VIT: variants seen among roughly 807,000 people sequenced by gnomAD.
VIT encodes vitrin.
In VIT, 99 loss-of-function variants were observed where a neutral mutation model predicts 78.0. The observed-to-expected ratio is 1.27, with a 90% CI of 1.08 to 1.50. The LOEUF is 1.50. VIT is among the 40% of genes most tolerant of loss of function. VIT has a pLI of 0.00. For missense variants in VIT, 1,126 were observed against 875.3 expected (o/e 1.29, Z -3.61); for synonymous variants, 374 against 334.3 (o/e 1.12, Z -1.29).
At chr2:36,793,050 A>C (rs1323054161) in intron 12 of VIT, among the ~76,000 whole-genome samples, 2 of 152,202 alleles carry the variant, frequency 1.3e-5, no homozygotes, top group African/African-American at 4.8e-5. Context: ...ACATTTTAAC[A>C]AGATCCCCAG....
At chr2:36,724,035 T>TC (rs1418186163) in intron 2 of VIT, among the ~76,000 whole-genome samples, 22 of 151,540 alleles carry the variant, frequency 1.5e-4, no homozygotes, top group Non-Finnish European at 2.2e-4. Context: ...TTTTTTTTTT[T>TC]CCCACAGAAT....
chr2:36,787,289 A>C lies in VIT; in HGVS notation c.1058+13A>C. ...TTGTCCAGTATGGGTAAGTGCAGTT[A>C]ATGTTCTGAATCCAGAAAGGAAGTC... On this transcript the variant is annotated intron_variant, in intron 12 of 15. Transcript: ENST00000379242. 6.2e-7 allele frequency: 1 copy of C among 1,600,862 alleles called. No individual in the cohort carries two copies. The highest frequency in any genetic ancestry group is 8.5e-7 in the Non-Finnish European group (1 of 1,171,494).
At chr2:36,789,819 G>T (rs1259231323) in intron 12 of VIT, among the ~76,000 whole-genome samples, 2 of 152,116 alleles carry the variant, frequency 1.3e-5, no homozygotes, top group East Asian at 1.9e-4. Flanking sequence ...AGGAAATGAG[G>T]CCCTACAAAC....
intron 4 of VIT, among the ~76,000 whole-genome samples, chr2:36,752,766 G>A (rs967875902): frequency 2.0e-5 from 3 of 152,178 alleles, no homozygotes; most frequent in African/African-American, 7.2e-5. Context: ...CACAGAGTGT[G>A]AATTAGTTCA....
At position 36,808,675 on chromosome 2, in the gene VIT, G is replaced by C; in HGVS notation, c.1593G>C (p.Gln531His). Reference sequence around the variant, plus strand: ...CGGGCAACTTCCGCACCGTCCTCCAGTTTGTGACCAACCTCACCAAAGAGT... The same window carrying C: ...CGGGCAACTTCCGCACCGTCCTCCACTTTGTGACCAACCTCACCAAAGAGT... Reference protein sequence around the residue: ...VGTGNFRTVLQFVTNLTKEFE... With the variant: ...VGTGNFRTVLHFVTNLTKEFE... The change falls in exon 15 of 16, where the codon CAG becomes CAC. Residue 531 changes from glutamine (Q) to histidine (H), a missense_variant. Transcript: ENST00000379242. The C allele has an allele frequency of 1.9e-6, 3 of 1,614,254 alleles. No homozygotes were observed. The highest frequency in any genetic ancestry group is 2.5e-6 in the Non-Finnish European group (3 of 1,180,050).
chr2:36,743,393 T>A, intron 4 of VIT, 137 bp downstream of exon 4: 2 of 1,018,298 alleles, frequency 2.0e-6, no homozygotes, highest in Non-Finnish European at 2.7e-6. Context: ...AATCTTCATT[T>A]AAAAAGTGCT....
intron 15 of VIT, among the ~76,000 whole-genome samples, chr2:36,810,901 TG>T (rs1474512039): frequency 6.6e-6 from 1 of 152,218 alleles, no homozygotes; most frequent in Non-Finnish European, 1.5e-5. Context: ...CCCAAAGTGC[TG>T]GGATCACAGG....
chr2:36,722,366 C>T (rs1446797502), intron 2 of VIT, among the ~76,000 whole-genome samples: 2 of 152,204 alleles, frequency 1.3e-5, no homozygotes, highest in African/African-American at 4.8e-5. Flanking sequence ...GCTCTGGTTT[C>T]CTTTCTATAA....
chr2:36,726,324 A>C (rs1431971908), intron 2 of VIT, among the ~76,000 whole-genome samples: 1 of 152,260 alleles, frequency 6.6e-6, no homozygotes, highest in Non-Finnish European at 1.5e-5. Flanking sequence ...GATATAGATC[A>C]TTAAGTAGAA....
intron 1 of VIT, among the ~76,000 whole-genome samples, chr2:36,702,242 G>A (rs1665105201): frequency 6.6e-6 from 1 of 152,116 alleles, no homozygotes; most frequent in Non-Finnish European, 1.5e-5. Context: ...AGCTGAAGGA[G>A]CAGGAAAGGG....
intron 4 of VIT, among the ~76,000 whole-genome samples, chr2:36,747,390 G>C (rs963024925): frequency 2.6e-5 from 4 of 152,158 alleles, no homozygotes; most frequent in African/African-American, 9.7e-5. Flanking sequence ...ACTGTCAGTG[G>C]AGTGTTGAAG....
At chr2:36,710,678 T>G (rs1665747211) in intron 1 of VIT, among the ~76,000 whole-genome samples, 1 of 152,214 alleles carries the variant, frequency 6.6e-6, no homozygotes, top group South Asian at 2.1e-4. Context: ...TCTGTCTGAC[T>G]ACTTTCATTT....
rs962171633 is a variant in VIT at position 36,755,569 on chromosome 2, C to T, written c.409+515C>T. 8.5e-5 allele frequency among the ~76,000 whole-genome samples: 13 copies of T among 152,152 alleles called. 1 individual carries two copies. The highest frequency in any genetic ancestry group is 2.9e-4 in the African/African-American group (12 of 41,438). ...ATATCTGTCCATGGCAAAGATACCCCGTAATTAATAAGCATCTGTAGGGTA... is the reference window on the plus strand; with the variant it reads ...ATATCTGTCCATGGCAAAGATACCCTGTAATTAATAAGCATCTGTAGGGTA... On this transcript the variant is annotated intron_variant, in intron 5 of 15. Transcript: ENST00000379242.
At position 36,743,115 on chromosome 2, in the gene VIT, A is replaced by G; in HGVS notation, c.134A>G (p.Asn45Ser). The G allele has an allele frequency of 6.2e-7, 1 of 1,614,060 alleles. No individual in the cohort carries two copies. The highest frequency in any genetic ancestry group is 1.1e-5 in the South Asian group (1 of 91,074). ...KRPKFTVPQI[N>S]CDVKAGKIID... The stretch of plus-strand genomic sequence containing the variant: ...GTATTCCCAGCTGTGCCTCAGATCA[A>G]CTGCGATGTCAAAGCCGGAAAGATC... Residue 45 changes from asparagine to serine, a missense_variant, in exon 4 of 16, where the codon AAC becomes AGC. Physicochemically the swap from Asn to Ser is conservative, Grantham distance 46. Coordinates refer to ENST00000379242, the MANE Select transcript of VIT (RefSeq NM_053276.4).
rs767873666 is a variant in VIT, at chr2:36,775,055, GA to G, written c.791del (p.Asp264ValfsTer17). ...GAAFQKPVGA[D>X]VSLGEMDSWK... ...TGCCTTCCAGAAACCTGTTGGAGCGGATGTCAGCCTGGGTAAGCTGCCCACT... is the reference window on the plus strand; with the variant it reads ...TGCCTTCCAGAAACCTGTTGGAGCGGTGTCAGCCTGGGTAAGCTGCCCACT... On this transcript the variant is annotated frameshift_variant, in exon 9 of 16. Coordinates refer to ENST00000379242, the MANE Select transcript of VIT (RefSeq NM_053276.4). LOFTEE classifies it high-confidence loss of function. 30 of 1,613,854 alleles carry G rather than the reference GA, an allele frequency of 1.9e-5. No homozygotes were observed. The South Asian group carries it at 3.1e-4, about 17-fold the overall frequency.
rs148035364 is a variant in VIT at position 36,707,613 on chromosome 2, C to T, written c.-18-8740C>T. Among the ~76,000 whole-genome samples, 82 of 152,240 alleles carry T rather than the reference C, an allele frequency of 5.4e-4. No homozygotes were observed. The East Asian group carries it at 9.5e-3, about 18-fold the overall frequency. ...TCTGCCCGGGAGCTGTGGATGGACC[C>T]GCTTCCTCTCAGTGGCCGGGCTGCA... On this transcript the variant is annotated intron_variant, in intron 1 of 15. Transcript: ENST00000379242.
At chr2:36,788,218 A>T (rs1665241817) in intron 12 of VIT, among the ~76,000 whole-genome samples, 1 of 152,170 alleles carries the variant, frequency 6.6e-6, no homozygotes, top group African/African-American at 2.4e-5. Flanking sequence ...ATTGCTTAGA[A>T]GTGCGGTCAC....
chr2:36,792,112 C>G (rs1665543571), intron 12 of VIT, among the ~76,000 whole-genome samples: 1 of 152,136 alleles, frequency 6.6e-6, no homozygotes, highest in Non-Finnish European at 1.5e-5. Context: ...TGGGTCCTGC[C>G]TCAGACCTAT....
At chr2:36,788,220 T>G (rs1665242154) in intron 12 of VIT, among the ~76,000 whole-genome samples, 1 of 152,128 alleles carries the variant, frequency 6.6e-6, no homozygotes, top group Non-Finnish European at 1.5e-5. Flanking sequence ...TGCTTAGAAG[T>G]GCGGTCACAG....
Sources: gnomAD v4.1 joint callset for allele counts (sites outside exome capture counted in the v4.1 genomes callset) on GRCh38, gnomAD v4.1.1 for gene constraint, MANE v1.5 for transcripts, NCBI Gene and HGNC (gene_info 2026-07-23, HGNC 2026-07-21) for gene names.